RAB28: variants seen among roughly 807,000 people sequenced by gnomAD.
The protein encoded by RAB28 is ras-related protein Rab-28.
In RAB28, 24 loss-of-function variants were observed where a neutral mutation model predicts 31.7. The ratio of observed to expected loss-of-function variants is 0.76; its 90% CI spans 0.55 to 1.06. The LOEUF (loss-of-function observed/expected upper bound fraction) is 1.06, where lower values mean the gene tolerates loss of function less well. Among genes scored for constraint, RAB28 ranks in the 50% least tolerant of loss-of-function variants. RAB28 has a pLI of 0.00. For synonymous variants in RAB28, 100 were observed against 90.4 expected (o/e 1.11, Z -0.60); for missense variants, 254 against 258.5 (o/e 0.98, Z 0.12).
intron 5 of RAB28, among the ~76,000 whole-genome samples, chr4:13,378,150 C>G (rs927526275): frequency 6.6e-6 from 1 of 152,120 alleles, no homozygotes; most frequent in African/African-American, 2.4e-5. Flanking sequence ...AAGAGATTAT[C>G]AAAGGACTGA....
chr4:13,447,667 C>A lies in RAB28; in HGVS notation c.391+13032G>T, dbSNP rs147946277. Among the ~76,000 whole-genome samples the A allele has an allele frequency of 7.0e-3, 1,061 of 152,070 alleles. 13 individuals carry two copies. Among genetic ancestry groups the A allele is most frequent in the African/African-American group, 0.024 (1,006 of 41,486 alleles). On this transcript the variant is annotated intron_variant, in intron 4 of 6. Coordinates refer to ENST00000330852, the MANE Select transcript of RAB28 (RefSeq NM_001017979.3). Reference sequence around the variant, plus strand: ...AATACCCTTAAAGTTGGCCATATGTCCAGGGTTTGCCTGGCAAATAGTGAG... The same window carrying A: ...AATACCCTTAAAGTTGGCCATATGTACAGGGTTTGCCTGGCAAATAGTGAG...
rs184373963 is a variant in RAB28 at position 13,453,099 on chromosome 4, C to T, written c.391+7600G>A. On this transcript the variant is annotated intron_variant, in intron 4 of 6. Coordinates refer to ENST00000330852, the MANE Select transcript of RAB28 (RefSeq NM_001017979.3). ...ATTTATGTATAGCTACTCCTGATTGCTTTTGGTTTCTGTTTGTATAGAATA... is the reference window on the plus strand; with the variant it reads ...ATTTATGTATAGCTACTCCTGATTGTTTTTGGTTTCTGTTTGTATAGAATA... Among the ~76,000 whole-genome samples the T allele has an allele frequency of 5.5e-4, 83 of 152,086 alleles. No homozygotes were observed. The South Asian group carries it at 0.013, about 23-fold the overall frequency.
chr4:13,461,023 A>T (rs1237539045), intron 3 of RAB28, among the ~76,000 whole-genome samples, 195 bp from the exon 4 acceptor site: 1 of 152,220 alleles, frequency 6.6e-6, no homozygotes, highest in African/African-American at 2.4e-5. Flanking sequence ...AGATAAATCC[A>T]GCAACTAAGA....
chr4:13,438,133 T>C (rs1222464817), intron 4 of RAB28, among the ~76,000 whole-genome samples: 2 of 152,226 alleles, frequency 1.3e-5, no homozygotes, highest in African/African-American at 4.8e-5. Context: ...GAGTTTCGTA[T>C]GCATGATCCA....
At chr4:13,410,829 G>GTC (rs1387136277) in intron 4 of RAB28, among the ~76,000 whole-genome samples, 13 of 152,154 alleles carry the variant, frequency 8.5e-5, no homozygotes, top group Middle Eastern at 3.4e-3. Flanking sequence ...GAACTTAAAG[G>GTC]TCTCTGTATT....
At chr4:13,372,669 C>T (rs1728761270) in intron 6 of RAB28, among the ~76,000 whole-genome samples, 1 of 151,822 alleles carries the variant, frequency 6.6e-6, no homozygotes. Flanking sequence ...GAAAGAAATC[C>T]CAGTACAGTT....
intron 4 of RAB28, among the ~76,000 whole-genome samples, chr4:13,453,045 A>G (rs1715059195): frequency 6.6e-6 from 1 of 152,006 alleles, no homozygotes; most frequent in Non-Finnish European, 1.5e-5. Flanking sequence ...CTCTTTGTAC[A>G]GATTTTGACT....
At chr4:13,385,984 GCA>G (rs1729351606) in intron 4 of RAB28, among the ~76,000 whole-genome samples, 1 of 151,940 alleles carries the variant, frequency 6.6e-6, no homozygotes, top group African/African-American at 2.4e-5. Context: ...GACCTCAAAA[GCA>G]CAGACAACAA....
intron 3 of RAB28, 29 bp from the exon 4 acceptor site, chr4:13,460,857 T>C: frequency 1.3e-6 from 2 of 1,597,046 alleles, no homozygotes; most frequent in South Asian, 2.2e-5. Context: ...AAAATATCTG[T>C]AATGTATTAT....
chr4:13,371,139 G>T, intron 6 of RAB28: 1 of 985,298 alleles, frequency 1.0e-6, no homozygotes. Flanking sequence ...AAATGAATAG[G>T]ATGCTGAGGC....
At chr4:13,404,567 G>A (rs1250810525) in intron 4 of RAB28, among the ~76,000 whole-genome samples, 1 of 151,898 alleles carries the variant, frequency 6.6e-6, no homozygotes, top group African/African-American at 2.4e-5. Context: ...AAACTATACT[G>A]CATAAAAAGG....
At chr4:13,373,226 C>T (rs922628213) in intron 6 of RAB28, among the ~76,000 whole-genome samples, 1 of 152,012 alleles carries the variant, frequency 6.6e-6, no homozygotes, top group Non-Finnish European at 1.5e-5. Flanking sequence ...TCCTAAACAA[C>T]GGCAATTGTA....
intron 1 of RAB28, among the ~76,000 whole-genome samples, chr4:13,481,138 T>G (rs1716586895): frequency 1.3e-5 from 2 of 152,036 alleles, no homozygotes; most frequent in African/African-American, 4.8e-5. Context: ...TAAGGAATAT[T>G]CAGAAAAATT....
chr4:13,481,993 TAAG>T (rs1231810578), intron 1 of RAB28, among the ~76,000 whole-genome samples: 1 of 152,152 alleles, frequency 6.6e-6, no homozygotes, highest in Non-Finnish European at 1.5e-5. Flanking sequence ...ATTCTTGATT[TAAG>T]AATAATGAAA....
rs544071872 is a variant in RAB28 at position 13,460,922 on chromosome 4, G to C, written c.262-94C>G. ...GTAATGCTTCAGATATGTCAAAATG[G>C]GTATAAAAATACAAATGTGTAGTGT... On this transcript the variant is annotated intron_variant, in intron 3 of 6. Coordinates refer to ENST00000330852, the MANE Select transcript of RAB28 (RefSeq NM_001017979.3). 118 of 1,199,540 alleles carry C rather than the reference G, an allele frequency of 9.8e-5. No homozygotes were observed. In the African/African-American group the frequency reaches 1.8e-3, roughly 18 times the overall value. 74.3% of individuals were successfully genotyped at this position (1,199,540 alleles called of 1,614,324 possible).
chr4:13,478,460 T>C (rs1716463022), intron 2 of RAB28, among the ~76,000 whole-genome samples: 1 of 151,530 alleles, frequency 6.6e-6, no homozygotes, highest in South Asian at 2.1e-4. Flanking sequence ...AGAGTTTTCA[T>C]TACCTACTCT....
chr4:13,415,446 T>C (rs1712707253), intron 4 of RAB28, among the ~76,000 whole-genome samples: 1 of 152,058 alleles, frequency 6.6e-6, no homozygotes, highest in Non-Finnish European at 1.5e-5. Flanking sequence ...TGCAGGCCAG[T>C]GCAAGTTCAG....
At chr4:13,434,162 A>G (rs1471737660) in intron 4 of RAB28, among the ~76,000 whole-genome samples, 1 of 152,190 alleles carries the variant, frequency 6.6e-6, no homozygotes, top group Non-Finnish European at 1.5e-5. Flanking sequence ...AGACTACTAA[A>G]GAGGAGACAG....
rs535554810 is a variant in RAB28 at position 13,439,450 on chromosome 4, G to GCTCAAATAACTCTCATGCCTCAGC, written c.391+21225_391+21248dup. On this transcript the variant is annotated intron_variant, in intron 4 of 6. Coordinates refer to ENST00000330852, the MANE Select transcript of RAB28 (RefSeq NM_001017979.3). ...GCTCAACGCAACCTCCACCTCCCAG[G>GCTCAAATAACTCTCATGCCTCAGC]CTCAAATAACTCTCATGCCTCAGCC... is the stretch of plus-strand genomic sequence containing the variant. 4.5e-3 allele frequency among the ~76,000 whole-genome samples: 682 copies of GCTCAAATAACTCTCATGCCTCAGC among 152,222 alleles called. 6 individuals are homozygous for GCTCAAATAACTCTCATGCCTCAGC. Among genetic ancestry groups the GCTCAAATAACTCTCATGCCTCAGC allele is most frequent in the African/African-American group, 0.016 (651 of 41,526 alleles).
Sources: gnomAD v4.1 joint callset for allele counts (sites outside exome capture counted in the v4.1 genomes callset) on GRCh38, gnomAD v4.1.1 for gene constraint, MANE v1.5 for transcripts, NCBI Gene and HGNC (gene_info 2026-07-23, HGNC 2026-07-21) for gene names.